The following PRR5L variants were observed in gnomAD, a reference collection of about 807,000 sequenced individuals.
PRR5L encodes proline rich 5 like, also known as proline-rich protein 5-like.
Under a neutral mutation model 36.4 loss-of-function variants are expected in PRR5L, and 21 were observed. The observed-to-expected ratio is 0.58, with a 90% CI of 0.41 to 0.83. The LOEUF (loss-of-function observed/expected upper bound fraction) is 0.83, where lower values mean the gene tolerates loss of function less well. PRR5L is among the 40% of genes least tolerant of loss of function. The probability of loss-of-function intolerance (pLI) is 0.00; values close to 1 mark genes in which losing one functional copy is unlikely to be tolerated. For missense variants in PRR5L, 381 were observed against 473.3 expected (o/e 0.80, Z 1.81); for synonymous variants, 188 against 197.0 (o/e 0.95, Z 0.38).
intron 4 of PRR5L, among the ~76,000 whole-genome samples, chr11:36,428,637 C>T (rs753599961): frequency 2.0e-4 from 31 of 152,312 alleles, no homozygotes; most frequent in Non-Finnish European, 3.8e-4. Context: ...AGTAGAGAGA[C>T]TGAGCCTCAC....
intron 7 of PRR5L, among the ~76,000 whole-genome samples, chr11:36,448,343 A>G (rs940586073): frequency 4.6e-5 from 7 of 152,118 alleles, no homozygotes; most frequent in Non-Finnish European, 7.4e-5. Flanking sequence ...TTAGAAAAAC[A>G]GCCCAAGTCT....
At chr11:36,391,863 A>G (rs1254808586) in intron 1 of PRR5L, among the ~76,000 whole-genome samples, 4 of 152,378 alleles carry the variant, frequency 2.6e-5, no homozygotes, top group East Asian at 1.9e-4. Flanking sequence ...ATTTTAAAAT[A>G]TAGTTGACTG....
At chr11:36,457,480 C>T (rs1280529435) in intron 8 of PRR5L, among the ~76,000 whole-genome samples, 2 of 152,102 alleles carry the variant, frequency 1.3e-5, no homozygotes, top group East Asian at 1.9e-4. Flanking sequence ...GTGGTGGGCA[C>T]CTGTAGTCCC....
At position 36,296,409 on chromosome 11, in the gene PRR5L, G is replaced by A. The variant is rs1279355578; in HGVS notation, c.-155G>A. The stretch of plus-strand genomic sequence containing the variant: ...CATTCACCTCTCCCCAGCAAGGTGG[G>A]ACCTGCCCTGGAAGAAGAAACCAGA... On this transcript the variant is annotated 5_prime_UTR_variant, in exon 1 of 9. Coordinates refer to ENST00000530639, the MANE Select transcript of PRR5L (RefSeq NM_001160167.2). 1 of 152,114 alleles carries A rather than the reference G, an allele frequency of 6.6e-6. No individual in the cohort carries two copies. The highest frequency in any genetic ancestry group is 1.5e-5 in the Non-Finnish European group (1 of 68,062). 9.4% of individuals were successfully genotyped at this position (152,114 alleles called of 1,614,324 possible). A position where few individuals can be genotyped will look rare whatever the true frequency, so the allele number is the denominator to read the frequency against.
chr11:36,333,575 C>T (rs998526605), intron 1 of PRR5L, among the ~76,000 whole-genome samples: 5 of 152,180 alleles, frequency 3.3e-5, no homozygotes, highest in Admixed American at 6.5e-5. Context: ...TATAGAACAG[C>T]ATGGATTAAT....
intron 1 of PRR5L, among the ~76,000 whole-genome samples, chr11:36,325,765 A>G (rs2133467854): frequency 6.6e-6 from 1 of 152,302 alleles, no homozygotes; most frequent in African/African-American, 2.4e-5. Context: ...TCGATGATGT[A>G]ATACACCAAC....
At chr11:36,437,060 A>C (rs955433468) in intron 5 of PRR5L, among the ~76,000 whole-genome samples, 1 of 152,172 alleles carries the variant, frequency 6.6e-6, no homozygotes, top group Non-Finnish European at 1.5e-5. Context: ...CCCACACCTA[A>C]TGCTGCGCCT....
At chr11:36,409,600 G>A (rs988913842) in intron 3 of PRR5L, among the ~76,000 whole-genome samples, 2 of 152,200 alleles carry the variant, frequency 1.3e-5, no homozygotes, top group Admixed American at 6.5e-5. Context: ...CAGTAGGGGG[G>A]AAGAGCTGGG....
chr11:36,443,650 A>G (rs1277180239), intron 6 of PRR5L, among the ~76,000 whole-genome samples: 5 of 152,220 alleles, frequency 3.3e-5, no homozygotes, highest in Admixed American at 1.3e-4. Flanking sequence ...AATTGTCGCC[A>G]TCATCATCAA....
chr11:36,394,089 G>T (rs2133547241), intron 1 of PRR5L: 1 of 152,350 alleles, frequency 6.6e-6, no homozygotes, highest in Admixed American at 6.5e-5. Flanking sequence ...GGCTAATACA[G>T]GGGTAGTACT....
chr11:36,373,351 G>A (rs1303635256), intron 1 of PRR5L, among the ~76,000 whole-genome samples: 1 of 152,124 alleles, frequency 6.6e-6, no homozygotes, highest in African/African-American at 2.4e-5. Flanking sequence ...GTAGAATTTT[G>A]GTTAGAATTT....
At chr11:36,438,336 C>T (rs555738401) in intron 6 of PRR5L, among the ~76,000 whole-genome samples, 10 of 152,130 alleles carry the variant, frequency 6.6e-5, no homozygotes, top group African/African-American at 2.2e-4. Context: ...GAAGTGTGGG[C>T]GTCGTATGCA....
rs922039275 is a variant in PRR5L at position 36,462,831 on chromosome 11, C to T, written c.*95C>T. ...TACTGAGGGGGGCTCTTGCTTTATG[C>T]GATGCTGCCTTATTTCCTTTAGGGT... On this transcript the variant is annotated 3_prime_UTR_variant, in exon 9 of 9. Transcript: ENST00000530639. 16 of 1,176,580 alleles carry T rather than the reference C, an allele frequency of 1.4e-5. No individual in the cohort carries two copies. The highest frequency in any genetic ancestry group is 9.9e-5 in the East Asian group (4 of 40,316). The allele number at this position is 1,176,580 out of a possible 1,614,324, so 72.9% of individuals were successfully genotyped here.
chr11:36,402,305 G>A (rs191527318), intron 2 of PRR5L, among the ~76,000 whole-genome samples: 9 of 152,296 alleles, frequency 5.9e-5, no homozygotes, highest in African/African-American at 1.7e-4. Context: ...GTGCAGTGGT[G>A]CAATCTTGGC....
intron 1 of PRR5L, among the ~76,000 whole-genome samples, chr11:36,325,144 T>C (rs1342104185): frequency 6.6e-6 from 1 of 152,208 alleles, no homozygotes; most frequent in African/African-American, 2.4e-5. Flanking sequence ...GTGAGTTTTA[T>C]AGCTCTATTA....
chr11:36,422,845 G>A (rs7951020), intron 4 of PRR5L, among the ~76,000 whole-genome samples: 45,458 of 151,904 alleles, frequency 0.3, 7,009 homozygotes, highest in East Asian at 0.57. Context: ...AATTGTGTCC[G>A]GAAGGAAAAT....
chr11:36,446,172 C>T, intron 6 of PRR5L, 128 bp from the exon 7 acceptor site: 1 of 990,794 alleles, frequency 1.0e-6, no homozygotes, highest in Non-Finnish European at 1.5e-6. Flanking sequence ...GAAAGACACA[C>T]TGGCCCTTGC....
chr11:36,396,686 C>T (rs138863705), intron 1 of PRR5L, among the ~76,000 whole-genome samples: 171 of 152,306 alleles, frequency 1.1e-3, no homozygotes, highest in African/African-American at 3.9e-3. Context: ...GGTAGTCACT[C>T]AGGGTCATTT....
At chr11:36,342,912 C>A (rs1198832923) in intron 1 of PRR5L, among the ~76,000 whole-genome samples, 1 of 152,166 alleles carries the variant, frequency 6.6e-6, no homozygotes, top group East Asian at 1.9e-4. Context: ...TGGTGATGCA[C>A]CAGGGACTGC....
Sources: gnomAD v4.1 joint callset for allele counts (sites outside exome capture counted in the v4.1 genomes callset) on GRCh38, gnomAD v4.1.1 for gene constraint, MANE v1.5 for transcripts, NCBI Gene and HGNC (gene_info 2026-07-23, HGNC 2026-07-21) for gene names.